Variants in GATAD2B observed in about 807,000 individuals in gnomAD.
GATAD2B encodes transcriptional repressor p66-beta.
Under a neutral mutation model 64.3 loss-of-function variants are expected in GATAD2B, and 8 were observed. The ratio of observed to expected loss-of-function variants is 0.12; its 90% CI spans 0.07 to 0.22. The LOEUF (loss-of-function observed/expected upper bound fraction) is 0.22. Ranked by LOEUF, GATAD2B falls within the 10% of genes least tolerant of loss-of-function variation. The pLI is 1.00. For missense variants in GATAD2B, 453 were observed against 752.0 expected (o/e 0.60, Z 4.65); for synonymous variants, 281 against 271.3 (o/e 1.04, Z -0.35).
chr1:153,823,731 T>G (rs996224622), intron 2 of GATAD2B, among the ~76,000 whole-genome samples: 1 of 151,758 alleles, frequency 6.6e-6, no homozygotes, highest in African/African-American at 2.4e-5. Context: ...TTTTTGTTTT[T>G]TTGTTTGTTT....
At chr1:153,876,612 A>T (rs1460159593) in intron 1 of GATAD2B, among the ~76,000 whole-genome samples, 1 of 152,232 alleles carries the variant, frequency 6.6e-6, no homozygotes, top group Non-Finnish European at 1.5e-5. Context: ...GAGGTAATGA[A>T]CAGGAGGTAA....
intron 7 of GATAD2B, 98 bp from the exon 8 acceptor site, chr1:153,813,550 TAAAG>T (rs1472028347): frequency 1.3e-6 from 1 of 796,496 alleles, no homozygotes; most frequent in East Asian, 2.6e-5. Context: ...TCTGTTGAAT[TAAAG>T]AAAGAGACTT....
intron 1 of GATAD2B, among the ~76,000 whole-genome samples, chr1:153,916,848 G>C (rs746956838): frequency 6.6e-6 from 1 of 152,014 alleles, no homozygotes; most frequent in Non-Finnish European, 1.5e-5. Flanking sequence ...TCACTCTGTT[G>C]ACCAGGCTAG....
At chr1:153,852,494 G>T in intron 1 of GATAD2B, 1 of 763,234 alleles carries the variant, frequency 1.3e-6, no homozygotes. Flanking sequence ...GTGACTCGAT[G>T]TGCTCTGCAC....
rs373598304 is a variant in GATAD2B, at chr1:153,853,165, C to T, written c.-1-24817G>A. 223 of 1,361,984 alleles carry T rather than the reference C, an allele frequency of 1.6e-4. 1 individual carries two copies. In the African/African-American group the frequency reaches 2.7e-3, roughly 17 times the overall value. The allele number at this position is 1,361,984 out of a possible 1,614,324, so 84.4% of individuals were successfully genotyped here. On this transcript the variant is annotated intron_variant, in intron 1 of 10. Coordinates refer to ENST00000368655, the MANE Select transcript of GATAD2B (RefSeq NM_020699.4). ...TCAATCCTGTCTAGCCCCTTACAGACACGGATATTGGCAACTGCAATTTGC... is the reference window on the plus strand; with the variant it reads ...TCAATCCTGTCTAGCCCCTTACAGATACGGATATTGGCAACTGCAATTTGC...
At chr1:153,857,703 C>T (rs1676138494) in intron 1 of GATAD2B, among the ~76,000 whole-genome samples, 1 of 152,122 alleles carries the variant, frequency 6.6e-6, no homozygotes, top group Admixed American at 6.5e-5. Context: ...TCAAGAAGCG[C>T]TGAAATCATC....
chr1:153,857,246 G>C (rs983771773), intron 1 of GATAD2B, among the ~76,000 whole-genome samples: 3 of 151,958 alleles, frequency 2.0e-5, no homozygotes, highest in African/African-American at 7.3e-5. Context: ...AGGAGTTTGA[G>C]ACCAGCCTGG....
chr1:153,919,247 C>A (rs1321151798), intron 1 of GATAD2B, among the ~76,000 whole-genome samples: 1 of 152,168 alleles, frequency 6.6e-6, no homozygotes, highest in African/African-American at 2.4e-5. Flanking sequence ...CAGCTGATGG[C>A]AACCTAGGTA....
intron 1 of GATAD2B, among the ~76,000 whole-genome samples, chr1:153,876,097 G>A (rs1393031700): frequency 6.6e-6 from 1 of 151,656 alleles, no homozygotes; most frequent in Non-Finnish European, 1.5e-5. Flanking sequence ...GTGTGGTGGC[G>A]CATGCCTGTA....
At chr1:153,848,982 C>CG (rs1675789370) in intron 1 of GATAD2B, among the ~76,000 whole-genome samples, 1 of 151,310 alleles carries the variant, frequency 6.6e-6, no homozygotes, top group African/African-American at 2.4e-5. Context: ...AACCCCCCCC[C>CG]TCCCCCAGAC....
chr1:153,920,030 G>A (rs1380295272), intron 1 of GATAD2B, among the ~76,000 whole-genome samples: 2 of 152,238 alleles, frequency 1.3e-5, no homozygotes, highest in Non-Finnish European at 2.9e-5. Context: ...GCGCAGAGGG[G>A]CTGCTTGTCA....
chr1:153,862,025 C>G (rs1418592806), intron 1 of GATAD2B, among the ~76,000 whole-genome samples: 1 of 149,956 alleles, frequency 6.7e-6, no homozygotes, highest in African/African-American at 2.4e-5. Flanking sequence ...TCTCTATATA[C>G]CTAGTTGCTA....
intron 1 of GATAD2B, among the ~76,000 whole-genome samples, chr1:153,908,793 AAAAAAAAAAG>A (rs1678029817): frequency 6.6e-6 from 1 of 151,040 alleles, no homozygotes; most frequent in African/African-American, 2.4e-5. Flanking sequence ...AAAAAAAAAA[AAAAAAAAAAG>A]AAAGAAAGAA....
chr1:153,890,071 C>G (rs1233915631), intron 1 of GATAD2B, among the ~76,000 whole-genome samples: 2 of 150,988 alleles, frequency 1.3e-5, no homozygotes, highest in Non-Finnish European at 2.9e-5. Context: ...ACTCGGGAGG[C>G]TGAGACAGAA....
At chr1:153,907,165 A>G (rs1444458012) in intron 1 of GATAD2B, among the ~76,000 whole-genome samples, 1 of 152,220 alleles carries the variant, frequency 6.6e-6, no homozygotes, top group Non-Finnish European at 1.5e-5. Context: ...CCTATACGCA[A>G]AACAATCGAA....
chr1:153,874,902 C>A (rs1250102819), intron 1 of GATAD2B, among the ~76,000 whole-genome samples: 1 of 148,320 alleles, frequency 6.7e-6, no homozygotes, highest in Non-Finnish European at 1.5e-5. Flanking sequence ...GAAACAGGGT[C>A]TTGTTCTGTC....
intron 1 of GATAD2B, among the ~76,000 whole-genome samples, chr1:153,856,064 G>A (rs896326447): frequency 6.6e-6 from 1 of 152,116 alleles, no homozygotes; most frequent in Non-Finnish European, 1.5e-5. Flanking sequence ...ACTCTGCTGG[G>A]TTCATGGCCA....
chr1:153,916,008 G>A (rs1020778068), intron 1 of GATAD2B, among the ~76,000 whole-genome samples: 7 of 152,080 alleles, frequency 4.6e-5, no homozygotes, highest in Admixed American at 6.6e-5. Flanking sequence ...AGCCGGGTGC[G>A]GTGGCTCACG....
rs907126786 is a variant in GATAD2B at position 153,812,255 on chromosome 1, C to A, written c.1420-123G>T. On this transcript the variant is annotated intron_variant, in intron 8 of 10. Coordinates refer to ENST00000368655, the MANE Select transcript of GATAD2B (RefSeq NM_020699.4). ...TTGTTGCCCAGGCTGGTCTGGCACT[C>A]CTGGGCTCAAGCAATCCTCTCACCT... 4 of 616,866 alleles carry A rather than the reference C, an allele frequency of 6.5e-6. No individual in the cohort carries two copies. In the African/African-American group the frequency reaches 7.4e-5, roughly 11 times the overall value. The allele number at this position is 616,866 out of a possible 1,614,324, so 38.2% of individuals were successfully genotyped here. A position where few individuals can be genotyped will look rare whatever the true frequency, so the allele number is the denominator to read the frequency against.
Sources: gnomAD v4.1 joint callset for allele counts (sites outside exome capture counted in the v4.1 genomes callset) on GRCh38, gnomAD v4.1.1 for gene constraint, MANE v1.5 for transcripts, NCBI Gene and HGNC (gene_info 2026-07-23, HGNC 2026-07-21) for gene names.